Variants in PLEKHM3 observed in about 807,000 individuals in gnomAD.
PLEKHM3 encodes pleckstrin homology domain containing M3.
In PLEKHM3, 45 loss-of-function variants were observed where a neutral mutation model predicts 81.8. The observed-to-expected ratio is 0.55, with a 90% CI of 0.43 to 0.71. The LOEUF is 0.71. Among genes scored for constraint, PLEKHM3 ranks in the 30% least tolerant of loss-of-function variants. PLEKHM3 has a pLI of 0.00. For missense variants in PLEKHM3, 788 were observed against 924.3 expected, an observed-to-expected ratio of 0.85 and a Z score of 1.91; for synonymous variants, 352 against 356.4, an observed-to-expected ratio of 0.99 and a Z score of 0.14.
chr2:207,861,368 CTAAT>C, intron 6 of PLEKHM3, 106 bp from the exon 7 acceptor site: 2 of 1,238,620 alleles, frequency 1.6e-6, no homozygotes, highest in Non-Finnish European at 2.2e-6. Context: ...AGGAAAACCT[CTAAT>C]TATAATTTCT....
rs140836312 is a variant in PLEKHM3 at position 207,858,560 on chromosome 2, C to A, written c.2108+2545G>T. On this transcript the variant is annotated intron_variant, in intron 7 of 7. Coordinates refer to ENST00000427836, the MANE Select transcript of PLEKHM3 (RefSeq NM_001080475.3). ...TGAGTGGCATGATCTCTGCTCACTG[C>A]GACCTTGGCTTCCGGGTTCAAGCGA... 6.6e-5 allele frequency among the ~76,000 whole-genome samples: 10 copies of A among 151,474 alleles called. No individual in the cohort carries two copies. The East Asian group carries it at 1.4e-3, about 21-fold the overall frequency.
chr2:208,011,378 T>G (rs1299567922), intron 1 of PLEKHM3, among the ~76,000 whole-genome samples: 1 of 152,198 alleles, frequency 6.6e-6, no homozygotes, highest in East Asian at 1.9e-4. Flanking sequence ...AACTGTGAGA[T>G]ATATATATCT....
chr2:207,974,976 G>A (rs1432837519), intron 3 of PLEKHM3, among the ~76,000 whole-genome samples: 9 of 150,680 alleles, frequency 6.0e-5, no homozygotes, highest in African/African-American at 4.9e-5. Flanking sequence ...GATTACAGGC[G>A]CCCACCACCA....
At chr2:207,975,396 C>T (rs1018420717) in intron 3 of PLEKHM3, among the ~76,000 whole-genome samples, 3 of 152,042 alleles carry the variant, frequency 2.0e-5, no homozygotes, top group Non-Finnish European at 4.4e-5. Context: ...TGGTGAGCTT[C>T]TTGATGATTT....
intron 5 of PLEKHM3, 26 bp downstream of exon 5, chr2:207,930,900 A>T (rs764978294): frequency 3.7e-6 from 6 of 1,602,664 alleles, no homozygotes; most frequent in Non-Finnish European, 1.7e-6. Flanking sequence ...AACAAACGGG[A>T]GCCGTCTGAG....
intron 1 of PLEKHM3, among the ~76,000 whole-genome samples, chr2:208,016,141 C>G (rs1015446753): frequency 1.1e-4 from 17 of 152,076 alleles, no homozygotes; most frequent in African/African-American, 4.1e-4. Flanking sequence ...TTGCAGTGAG[C>G]CGAGATTGCA....
intron 4 of PLEKHM3, among the ~76,000 whole-genome samples, chr2:207,944,205 G>A (rs1256339224): frequency 6.6e-6 from 1 of 152,162 alleles, no homozygotes; most frequent in East Asian, 1.9e-4. Flanking sequence ...GTTAGAGGGA[G>A]GAGAACCAGG....
intron 1 of PLEKHM3, among the ~76,000 whole-genome samples, chr2:208,002,401 G>A (rs1348653193): frequency 2.6e-5 from 4 of 152,140 alleles, no homozygotes; most frequent in Non-Finnish European, 5.9e-5. Flanking sequence ...GGTACCACAG[G>A]GAAGCAGAGA....
At position 208,001,375 on chromosome 2, in the gene PLEKHM3, A is replaced by G. The variant is rs1186116554; in HGVS notation, c.265T>C (p.Phe89Leu). 6.2e-7 allele frequency: 1 copy of G among 1,614,190 alleles called. No homozygotes were observed. Among genetic ancestry groups the G allele is most frequent in the African/African-American group, 1.3e-5 (1 of 75,050 alleles). Residue 89 changes from phenylalanine to leucine, a missense_variant, in exon 2 of 8, where the codon TTC becomes CTC. Transcript: ENST00000427836. ...RLLETKAQNVFPAKEQFMVQR... is the reference protein window; with the variant it reads ...RLLETKAQNVLPAKEQFMVQR... ...ACCATAAACTGTTCTTTGGCAGGGAAGACATTTTGAGCTTTGGTTTCTAAG... is the reference window on the plus strand; with the variant it reads ...ACCATAAACTGTTCTTTGGCAGGGAGGACATTTTGAGCTTTGGTTTCTAAG...
chr2:207,883,066 T>C (rs1687753380), intron 6 of PLEKHM3, among the ~76,000 whole-genome samples: 1 of 152,100 alleles, frequency 6.6e-6, no homozygotes, highest in Admixed American at 6.6e-5. Context: ...CATACTCAAC[T>C]TAGGATGCTC....
intron 5 of PLEKHM3, among the ~76,000 whole-genome samples, chr2:207,909,921 A>G (rs1012574933): frequency 1.3e-5 from 2 of 152,236 alleles, no homozygotes; most frequent in African/African-American, 4.8e-5. Flanking sequence ...GATTAAGCAC[A>G]CATTGCATAT....
At chr2:207,877,110 G>A (rs1368845619) in intron 6 of PLEKHM3, among the ~76,000 whole-genome samples, 1 of 152,098 alleles carries the variant, frequency 6.6e-6, no homozygotes, top group Non-Finnish European at 1.5e-5. Flanking sequence ...TGAAAACCAT[G>A]GTTTTGCAAT....
At chr2:207,912,733 A>G (rs926657864) in intron 5 of PLEKHM3, among the ~76,000 whole-genome samples, 1 of 152,228 alleles carries the variant, frequency 6.6e-6, no homozygotes, top group African/African-American at 2.4e-5. Context: ...TAAAATAAGA[A>G]AAAGATTTTT....
chr2:207,850,354 G>C (rs1181168977), intron 7 of PLEKHM3, among the ~76,000 whole-genome samples: 1 of 152,180 alleles, frequency 6.6e-6, no homozygotes, highest in Non-Finnish European at 1.5e-5. Context: ...TTTAAATACA[G>C]TGCCAAGTGG....
intron 3 of PLEKHM3, among the ~76,000 whole-genome samples, chr2:207,949,308 G>A (rs1475386174): frequency 6.6e-6 from 1 of 152,228 alleles, no homozygotes; most frequent in African/African-American, 2.4e-5. Context: ...AGCACTTTGG[G>A]AGGCCAAGGC....
At chr2:207,980,837 A>G (rs1027253740) in intron 2 of PLEKHM3, among the ~76,000 whole-genome samples, 31 of 152,282 alleles carry the variant, frequency 2.0e-4, no homozygotes, top group African/African-American at 6.5e-4. Context: ...TTTTTTGAAA[A>G]ATAAGAATCG....
chr2:207,887,836 T>G (rs1040267328), intron 6 of PLEKHM3, among the ~76,000 whole-genome samples: 1 of 152,184 alleles, frequency 6.6e-6, no homozygotes, highest in African/African-American at 2.4e-5. Flanking sequence ...ATTAATTTAG[T>G]AGAAGTTGGT....
chr2:208,001,136 CA>C lies in PLEKHM3; in HGVS notation c.503del (p.Leu168CysfsTer29). ...DWRVVLKTTP[L>X]QQQQQQQPLL... ...ATGGCTGCTGCTGTTGCTGCTGCTG[CA>C]AAGGCGTGGTTTTGAGGACTACCCT... On this transcript the variant is annotated frameshift_variant, in exon 2 of 8. Transcript: ENST00000427836. LOFTEE classifies it high-confidence loss of function. 6.2e-7 allele frequency: 1 copy of C among 1,609,904 alleles called. No individual in the cohort carries two copies. Among genetic ancestry groups the C allele is most frequent in the African/African-American group, 1.3e-5 (1 of 74,832 alleles).
intron 5 of PLEKHM3, among the ~76,000 whole-genome samples, chr2:207,909,762 C>T (rs969243995): frequency 6.6e-6 from 1 of 152,210 alleles, no homozygotes; most frequent in South Asian, 2.1e-4. Flanking sequence ...AACAAAAACT[C>T]TCTTGGTGAT....
Sources: allele counts gnomAD v4.1 joint callset (sites outside exome capture counted in the v4.1 genomes callset), GRCh38; gene constraint gnomAD v4.1.1; transcripts MANE v1.5; gene names NCBI Gene and HGNC (gene_info 2026-07-23, HGNC 2026-07-21).